The following RCOR1 variants were observed in gnomAD, a reference collection of about 807,000 sequenced individuals.
RCOR1 encodes REST corepressor 1.
A neutral mutation model predicts 64.0 loss-of-function variants in RCOR1; 12 were observed. The observed-to-expected ratio is 0.19, with a 90% CI of 0.12 to 0.30. The LOEUF (loss-of-function observed/expected upper bound fraction) is 0.30, where lower values mean the gene tolerates loss of function less well. Ranked by LOEUF, RCOR1 falls within the 10% of genes least tolerant of loss-of-function variation. RCOR1 has a pLI of 1.00. For missense variants in RCOR1, 502 were observed against 621.2 expected (o/e 0.81, Z 2.04); for synonymous variants, 279 against 227.2 (o/e 1.23, Z -2.05).
At position 102,612,499 on chromosome 14, in the gene RCOR1, T is replaced by C. The variant is rs538221168; in HGVS notation, c.361+19174T>C. Among the ~76,000 whole-genome samples the C allele has an allele frequency of 4.6e-5, 7 of 152,084 alleles. No individual in the cohort carries two copies. In the South Asian group the frequency reaches 1.5e-3, roughly 32 times the overall value. On this transcript the variant is annotated intron_variant, in intron 2 of 11. Coordinates refer to ENST00000262241, the MANE Select transcript of RCOR1 (RefSeq NM_015156.4). ...CAGGTGTGAGCCACCACGCCCGGTC[T>C]GATTTTTGTATTTTTTGTAGGGATG...
chr14:102,607,036 T>A (rs1185494404), intron 2 of RCOR1, among the ~76,000 whole-genome samples: 1 of 150,610 alleles, frequency 6.6e-6, no homozygotes, highest in Non-Finnish European at 1.5e-5. Flanking sequence ...CGGATTCAAG[T>A]GGTTCTCCTG....
chr14:102,595,868 C>T (rs778668916), intron 2 of RCOR1, among the ~76,000 whole-genome samples: 7 of 152,114 alleles, frequency 4.6e-5, no homozygotes, highest in East Asian at 1.9e-4. Flanking sequence ...CATGTGCCAC[C>T]GCGCCCGGCC....
chr14:102,701,141 A>G (rs1256681169), intron 3 of RCOR1, 137 bp from the exon 4 acceptor site: 1 of 738,058 alleles, frequency 1.4e-6, no homozygotes, highest in African/African-American at 1.8e-5. Context: ...GGAGATACAA[A>G]TCAAAATGAG....
At chr14:102,667,252 G>C (rs930822055) in intron 2 of RCOR1, among the ~76,000 whole-genome samples, 6 of 152,142 alleles carry the variant, frequency 3.9e-5, no homozygotes, top group African/African-American at 1.4e-4. Context: ...TGTAATCCCA[G>C]CACTTTGGGA....
chr14:102,710,905 A>G (rs2139987232), intron 6 of RCOR1, 30 bp from the exon 7 acceptor site: 1 of 1,501,898 alleles, frequency 6.7e-7, no homozygotes, highest in East Asian at 2.3e-5. Flanking sequence ...GTACAAAATA[A>G]TCATTCAGTA....
At chr14:102,687,127 C>T (rs909670983) in intron 3 of RCOR1, among the ~76,000 whole-genome samples, 14 of 152,162 alleles carry the variant, frequency 9.2e-5, no homozygotes, top group African/African-American at 3.4e-4. Context: ...TTATATTGAA[C>T]AGCTTTTTGT....
chr14:102,629,557 TA>T (rs546052857), intron 2 of RCOR1, among the ~76,000 whole-genome samples: 1 of 151,212 alleles, frequency 6.6e-6, no homozygotes, highest in Non-Finnish European at 1.5e-5. Flanking sequence ...GTGATAGAGA[TA>T]AAAAAAATGG....
intron 2 of RCOR1, among the ~76,000 whole-genome samples, chr14:102,604,297 CAGTT>C (rs895950746): frequency 6.6e-6 from 1 of 152,152 alleles, no homozygotes; most frequent in Non-Finnish European, 1.5e-5. Context: ...CTATAATGGT[CAGTT>C]AGTTTCCCAC....
intron 3 of RCOR1, among the ~76,000 whole-genome samples, chr14:102,692,469 A>ACACG (rs1555466517): frequency 1.3e-5 from 2 of 150,858 alleles, no homozygotes; most frequent in Non-Finnish European, 2.9e-5. Flanking sequence ...ACACACACAC[A>ACACG]CACGCTTATT....
intron 3 of RCOR1, among the ~76,000 whole-genome samples, chr14:102,696,395 A>G (rs1895649689): frequency 6.6e-6 from 1 of 152,308 alleles, no homozygotes; most frequent in East Asian, 1.9e-4. Context: ...GCTCTCCATA[A>G]TGGTAAAACG....
At chr14:102,597,850 C>T in intron 2 of RCOR1, among the ~76,000 whole-genome samples, 1 of 146,528 alleles carries the variant, frequency 6.8e-6, no homozygotes. Flanking sequence ...GTTTTTTTCT[C>T]TTGTTGCTCA....
chr14:102,726,348 C>G, intron 11 of RCOR1, 120 bp from the exon 12 acceptor site: 2 of 741,116 alleles, frequency 2.7e-6, no homozygotes, highest in Non-Finnish European at 2.1e-6. Context: ...AAAAAAAGAA[C>G]TCGGTGTTTG....
chr14:102,669,090 A>C (rs950587733), intron 2 of RCOR1, among the ~76,000 whole-genome samples: 1 of 152,174 alleles, frequency 6.6e-6, no homozygotes, highest in African/African-American at 2.4e-5. Flanking sequence ...CGGGCAGATC[A>C]CCTGAAGTCG....
chr14:102,621,765 T>C (rs1893877586), intron 2 of RCOR1, among the ~76,000 whole-genome samples: 1 of 152,122 alleles, frequency 6.6e-6, no homozygotes, highest in Non-Finnish European at 1.5e-5. Context: ...AACAGTCTTG[T>C]TGGAGAAGGT....
intron 2 of RCOR1, among the ~76,000 whole-genome samples, chr14:102,620,437 C>T (rs185202185): frequency 5.3e-5 from 8 of 152,266 alleles, no homozygotes; most frequent in Non-Finnish European, 1.2e-4. Flanking sequence ...CGTGGTTGCA[C>T]ATGCCTGTAA....
chr14:102,635,187 G>A (rs934655922), intron 2 of RCOR1, among the ~76,000 whole-genome samples: 3 of 152,064 alleles, frequency 2.0e-5, no homozygotes, highest in African/African-American at 4.8e-5. Flanking sequence ...CAGTATATAT[G>A]TCTAAAATCT....
intron 2 of RCOR1, among the ~76,000 whole-genome samples, chr14:102,652,341 A>T (rs1894610799): frequency 6.6e-6 from 1 of 152,244 alleles, no homozygotes; most frequent in South Asian, 2.1e-4. Flanking sequence ...TTGCTGCGTT[A>T]AAGAATGACT....
intron 2 of RCOR1, chr14:102,658,468 A>G (rs1445558062): frequency 1.6e-5 from 15 of 950,028 alleles, no homozygotes; most frequent in Non-Finnish European, 1.9e-5. Context: ...AGGCTGGGTG[A>G]GAGTGAGACT....
chr14:102,649,272 G>A (rs866506536), intron 2 of RCOR1, among the ~76,000 whole-genome samples: 29 of 152,102 alleles, frequency 1.9e-4, no homozygotes, highest in Admixed American at 5.2e-4. Context: ...CATAAACTAC[G>A]AGAGTGCCAT....
Sources: allele counts gnomAD v4.1 joint callset (sites outside exome capture counted in the v4.1 genomes callset), GRCh38; gene constraint gnomAD v4.1.1; transcripts MANE v1.5; gene names NCBI Gene and HGNC (gene_info 2026-07-23, HGNC 2026-07-21).